Variants in LTBP3 observed in about 807,000 individuals in gnomAD.
LTBP3 encodes latent transforming growth factor beta binding protein 3, also known as latent-transforming growth factor beta-binding protein 3.
LTBP3 carries 97 observed loss-of-function variants against 159.7 expected under a neutral mutation model. That is an observed-to-expected ratio of 0.61 (90% CI 0.52 to 0.72). The LOEUF (loss-of-function observed/expected upper bound fraction) is 0.72, where lower values mean the gene tolerates loss of function less well. Among genes scored for constraint, LTBP3 ranks in the 30% least tolerant of loss-of-function variants. The probability of loss-of-function intolerance (pLI) is 0.00; values close to 1 mark genes in which losing one functional copy is unlikely to be tolerated. For synonymous variants in LTBP3, 824 were observed against 777.1 expected (o/e 1.06, Z -1.00); for missense variants, 1,584 against 1,864.3 (o/e 0.85, Z 2.77).
In LTBP3 at chr11:65,552,047, C is replaced by T. The variant is rs148883568; in HGVS notation, c.1456G>A (p.Gly486Arg). 24 of 1,613,952 alleles carry T rather than the reference C, an allele frequency of 1.5e-5. No homozygotes were observed. Among genetic ancestry groups the T allele is most frequent in the East Asian group, 4.5e-5 (2 of 44,868 alleles). Residue 486 changes from glycine (G) to arginine (R), a missense_variant, in exon 8 of 28, where the codon GGG becomes AGG. Gly to Arg is a moderately radical substitution (Grantham distance 125). This residue lies in a region of LTBP3 where 565 missense variants were observed against 677.7 expected (regional missense o/e 0.83). Transcript: ENST00000301873. The surrounding 1 kb of genome is among the most constrained non-coding windows in gnomAD (Gnocchi z 6.0). ...SDFSLFLHPDGPPKPQQLPES... is the reference protein window; with the variant it reads ...SDFSLFLHPDRPPKPQQLPES... ...GGAAGCTGCTGGGGCTTGGGTGGCC[C>T]GTCAGGGTGCAGGAAAAGGGAAAAG...
chr11:65,540,669 TG>T, intron 21 of LTBP3, 55 bp from the exon 22 acceptor site: 1 of 1,426,676 alleles, frequency 7.0e-7, no homozygotes, highest in Non-Finnish European at 9.4e-7. Flanking sequence ...CCCGGAGGCG[TG>T]GGCTGGGCGC....
intron 20 of LTBP3, 22 bp from the exon 21 acceptor site, chr11:65,540,976 G>A (rs373185533): frequency 2.5e-6 from 4 of 1,609,236 alleles, no homozygotes; most frequent in South Asian, 2.2e-5. Flanking sequence ...GGGCGGCCGT[G>A]GGGAGGGAAG....
At position 65,552,422 on chromosome 11, in the gene LTBP3, G is replaced by C. The variant is rs764686952; in HGVS notation, c.1187-16C>G. On this transcript the variant is annotated splice_polypyrimidine_tract_variant and intron_variant, in intron 6 of 27. Coordinates refer to ENST00000301873, the MANE Select transcript of LTBP3 (RefSeq NM_001130144.3). This position sits in a 1 kb window ranked among gnomAD's most constrained non-coding sequence, Gnocchi z 6.0. The stretch of plus-strand genomic sequence containing the variant: ...GGTTTGTCTGCTGCAGGGGCCAGTG[G>C]GGGGCATGGGCATCTGAGCCTGCAC... 8.1e-6 allele frequency: 13 copies of C among 1,611,214 alleles called. No individual in the cohort carries two copies. Among genetic ancestry groups the C allele is most frequent in the Admixed American group, 1.7e-5 (1 of 59,992 alleles).
chr11:65,553,663 G>A lies in LTBP3; in HGVS notation c.864+38C>T. The A allele has an allele frequency of 6.4e-7, 1 of 1,551,286 alleles. No homozygotes were observed. The highest frequency in any genetic ancestry group is 8.7e-7 in the Non-Finnish European group (1 of 1,152,772). On this transcript the variant is annotated intron_variant, in intron 3 of 27. Coordinates refer to ENST00000301873, the MANE Select transcript of LTBP3 (RefSeq NM_001130144.3). The surrounding 1 kb of genome is among the most constrained non-coding windows in gnomAD (Gnocchi z 6.5). ...GTGAGTTGGGGCAGAGCAACCCTGAGAGAAGGAAAGGCAGATCCCGACTGT... is the reference window on the plus strand; with the variant it reads ...GTGAGTTGGGGCAGAGCAACCCTGAAAGAAGGAAAGGCAGATCCCGACTGT...
intron 18 of LTBP3, 174 bp downstream of exon 18, chr11:65,542,931 A>AGGATGCATGGAT (rs1856206975): frequency 1.2e-6 from 1 of 814,844 alleles, no homozygotes; most frequent in African/African-American, 1.8e-5. Context: ...GATGGATAGA[A>AGGATGCATGGAT]GGATGGATGG....
intron 21 of LTBP3, 96 bp from the exon 22 acceptor site, chr11:65,540,710 G>GGCCTACAGGAGGGGCGGT: frequency 6.3e-7 from 1 of 1,584,566 alleles, no homozygotes; most frequent in South Asian, 1.1e-5. Flanking sequence ...CCCCGGGCGG[G>GGCCTACAGGAGGGGCGGT]GCCTACAGGA....
Position 65,546,548 on chromosome 11 carries a change from G to T in LTBP3, c.2247C>A (p.Ala749=), listed in dbSNP as rs750866740. 1 of 1,602,346 alleles carries T rather than the reference G, an allele frequency of 6.2e-7. No homozygotes were observed. Among genetic ancestry groups the T allele is most frequent in the South Asian group, 1.1e-5 (1 of 90,942 alleles). Residue 749 remains alanine (A), a synonymous_variant, in exon 16 of 28, where the codon GCC becomes GCA. Coordinates refer to ENST00000301873, the MANE Select transcript of LTBP3 (RefSeq NM_001130144.3). This position sits in a 1 kb window ranked among gnomAD's most constrained non-coding sequence, Gnocchi z 4.0. The part of the protein sequence containing the change: ...GGACRDVNEC[A]EGSPCSPGWC... Reference sequence around the variant, plus strand: ...AGCCAGGCGAGCAGGGGCTGCCCTCGGCGCACTCGTTCACGTCTGCGGCGG... The same window carrying T: ...AGCCAGGCGAGCAGGGGCTGCCCTCTGCGCACTCGTTCACGTCTGCGGCGG...
Position 65,547,883 on chromosome 11 carries a change from C to G in LTBP3, c.1846+37G>C, listed in dbSNP as rs376820788. 67 of 1,613,380 alleles carry G rather than the reference C, an allele frequency of 4.2e-5. No homozygotes were observed. The African/African-American group carries it at 7.2e-4, about 17-fold the overall frequency. On this transcript the variant is annotated intron_variant, in intron 12 of 27. Transcript: ENST00000301873. This position sits in a 1 kb window ranked among gnomAD's most constrained non-coding sequence, Gnocchi z 4.6. ...AGCGTCGTTATCTGGGGTCCCCCCCCACCCACCTGCATGCCCGCCGCCTGC... is the reference window on the plus strand; with the variant it reads ...AGCGTCGTTATCTGGGGTCCCCCCCGACCCACCTGCATGCCCGCCGCCTGC...
chr11:65,540,126 G>A lies in LTBP3; in HGVS notation c.3272C>T (p.Ala1091Val), dbSNP rs922532403. The A allele has an allele frequency of 2.0e-6, 3 of 1,526,874 alleles. No homozygotes were observed. The highest frequency in any genetic ancestry group is 1.2e-5 in the South Asian group (1 of 83,488). The allele number at this position is 1,526,874 out of a possible 1,614,324, so 94.6% of individuals were successfully genotyped here. ...MDVDECQDPA[A>V]CRPGRCVNLP... is the part of the protein sequence containing the mutation. ...GTTGACGCAGCGGCCAGGGCGGCAG[G>A]CTGCCGGGTCCTGGCACTCGTCCAC... is the stretch of plus-strand genomic sequence containing the variant. The change falls in exon 24 of 28, where the codon GCC (alanine) becomes GTC (valine). Residue 1091 changes from alanine (A) to valine (V), a missense_variant. Physicochemically the swap from Ala to Val is moderately conservative, Grantham distance 64 (BLOSUM62 0). Transcript: ENST00000301873.
At chr11:65,551,673 C>A in intron 8 of LTBP3, 109 bp from the exon 9 acceptor site, 1 of 1,389,118 alleles carries the variant, frequency 7.2e-7, no homozygotes. Flanking sequence ...GTTCAACAAT[C>A]ATGTCTCCAG....
chr11:65,539,993 AGGCCAACCC>A lies in LTBP3; in HGVS notation c.3385+11_3385+19del. The A allele has an allele frequency of 6.8e-7, 1 of 1,475,116 alleles. No individual in the cohort carries two copies. The highest frequency in any genetic ancestry group is 8.9e-7 in the Non-Finnish European group (1 of 1,119,516). The allele number at this position is 1,475,116 out of a possible 1,614,324, so 91.4% of individuals were successfully genotyped here. A position where few individuals can be genotyped will look rare whatever the true frequency, so the allele number is the denominator to read the frequency against. On this transcript the variant is annotated intron_variant, in intron 24 of 27. Coordinates refer to ENST00000301873, the MANE Select transcript of LTBP3 (RefSeq NM_001130144.3). ...ACGGACAGGGCCCCGGGATCGGCCA[AGGCCAACCC>A]TCGCCCTCACCGGCCGGGCTCTCGG...
chr11:65,540,279 G>A lies in LTBP3; in HGVS notation c.3210C>T (p.Pro1070=), dbSNP rs377594002. The A allele has an allele frequency of 5.0e-5, 78 of 1,555,484 alleles. No homozygotes were observed. Among genetic ancestry groups the A allele is most frequent in the African/African-American group, 4.3e-4 (32 of 73,794 alleles). The stretch of plus-strand genomic sequence containing the variant: ...CCGGGCTCAGGCACTGGCGCTGCGC[G>A]GGACTGTACTCGGCAGGGGGCGTGC... ...CACTPPAEYS[P]AQRQCLSPEE... is the part of the protein sequence containing the mutation. Residue 1070 remains proline (P), a synonymous_variant, in exon 23 of 28, where the codon CCC becomes CCT. Coordinates refer to ENST00000301873, the MANE Select transcript of LTBP3 (RefSeq NM_001130144.3).
At position 65,553,480 on chromosome 11, in the gene LTBP3, AC is replaced by A; in HGVS notation, c.914del (p.Gly305ValfsTer83). The part of the protein sequence containing the change: ...PGLTKQEDCC[G>X]SIGTAWGQSK... The stretch of plus-strand genomic sequence containing the variant: ...TCTGGCCCCAGGCAGTGCCGATGCT[AC>A]CGCAGCAGTCTTCCTGCTTGGTGAG... On this transcript the variant is annotated frameshift_variant, in exon 4 of 28. Coordinates refer to ENST00000301873, the MANE Select transcript of LTBP3 (RefSeq NM_001130144.3). LOFTEE classifies it high-confidence loss of function. The surrounding 1 kb of genome is among the most constrained non-coding windows in gnomAD (Gnocchi z 6.5). 6.2e-7 allele frequency: 1 copy of A among 1,611,790 alleles called. No homozygotes were observed. Among genetic ancestry groups the A allele is most frequent in the Non-Finnish European group, 8.5e-7 (1 of 1,179,802 alleles).
At chr11:65,550,125 C>G (rs1000937510) in intron 11 of LTBP3, among the ~76,000 whole-genome samples, 1 of 151,376 alleles carries the variant, frequency 6.6e-6, no homozygotes, top group African/African-American at 2.4e-5. Flanking sequence ...AAAACTAAAT[C>G]AGGGCCAGGC....
intron 1 of LTBP3, among the ~76,000 whole-genome samples, chr11:65,556,698 A>G (rs556664118): frequency 1.6e-4 from 24 of 152,298 alleles, no homozygotes; most frequent in Non-Finnish European, 1.5e-5. Context: ...ACCCCATCTC[A>G]TGACAAATTT....
chr11:65,543,283 G>A, intron 17 of LTBP3, 59 bp from the exon 18 acceptor site: 1 of 1,613,106 alleles, frequency 6.2e-7, no homozygotes, highest in Middle Eastern at 1.7e-4. Flanking sequence ...CCAGCCTGAG[G>A]CAGCCAAAGC....
intron 21 of LTBP3, 85 bp from the exon 22 acceptor site, chr11:65,540,699 T>TC (rs1856078995): frequency 3.3e-6 from 4 of 1,196,610 alleles, no homozygotes; most frequent in Non-Finnish European, 4.5e-6. Flanking sequence ...AGCGAAGCCA[T>TC]CCCCGGGCGG....
rs576346503 is a variant in LTBP3, at chr11:65,555,873, C to T, written c.332-1493G>A. Among the ~76,000 whole-genome samples the T allele has an allele frequency of 4.6e-5, 7 of 152,216 alleles. No homozygotes were observed. In the South Asian group the frequency reaches 1.5e-3, roughly 32 times the overall value. On this transcript the variant is annotated intron_variant, in intron 1 of 27. Coordinates refer to ENST00000301873, the MANE Select transcript of LTBP3 (RefSeq NM_001130144.3). The stretch of plus-strand genomic sequence containing the variant: ...GCCAGAAGGGCCTCACAGGGACAGC[C>T]CATATCCATGGCCCTCAGGGTCAGG...
intron 17 of LTBP3, 99 bp from the exon 18 acceptor site, chr11:65,543,323 G>T (rs115231286): frequency 6.2e-7 from 1 of 1,610,752 alleles, no homozygotes; most frequent in African/African-American, 1.3e-5. Flanking sequence ...TCAGTCCCAC[G>T]CCCCTATGCC....
Sources: allele counts gnomAD v4.1 joint callset (sites outside exome capture counted in the v4.1 genomes callset), GRCh38; gene constraint gnomAD v4.1.1; regional missense constraint gnomAD v4.1.1; non-coding constraint Gnocchi (gnomAD v3.1); transcripts MANE v1.5; gene names NCBI Gene and HGNC (gene_info 2026-07-23, HGNC 2026-07-21).